The following TBCB variants were observed in gnomAD, a reference collection of about 807,000 sequenced individuals.
TBCB encodes the protein tubulin folding cofactor B.
A neutral mutation model predicts 29.2 loss-of-function variants in TBCB; 18 were observed. The ratio of observed to expected loss-of-function variants is 0.62; its 90% CI spans 0.43 to 0.91. The LOEUF (loss-of-function observed/expected upper bound fraction) is 0.91, where lower values mean the gene tolerates loss of function less well. Ranked by LOEUF, TBCB falls within the 40% of genes least tolerant of loss-of-function variation. TBCB has a pLI of 0.00. For synonymous variants in TBCB, 172 were observed against 137.8 expected (o/e 1.25, Z -1.74); for missense variants, 336 against 337.6 (o/e 1.00, Z 0.04).
At chr19:36,119,640 CCAGTA>C (rs1974011373) in intron 2 of TBCB, among the ~76,000 whole-genome samples, 1 of 152,170 alleles carries the variant, frequency 6.6e-6, no homozygotes. Context: ...GTAATCCCAC[CCAGTA>C]CATTGGGAGG....
chr19:36,120,754 G>GTCCCGGGTGGAGAAGTACACGATCT lies in TBCB; in HGVS notation c.304_328dup (p.Ser110PhefsTer65). On this transcript the variant is annotated frameshift_variant, in exon 3 of 6. Transcript: ENST00000221855. LOFTEE classifies it high-confidence loss of function. ...CCCGCCTTGGTGAGTATGAGGACGT[G>GTCCCGGGTGGAGAAGTACACGATCT]TCCCGGGTGGAGAAGTACACGATCT... is the stretch of plus-strand genomic sequence containing the variant. The GTCCCGGGTGGAGAAGTACACGATCT allele has an allele frequency of 6.2e-7, 1 of 1,614,060 alleles. No homozygotes were observed. The highest frequency in any genetic ancestry group is 8.5e-7 in the Non-Finnish European group (1 of 1,180,016).
chr19:36,122,657 A>G (rs1974075235), intron 4 of TBCB, among the ~76,000 whole-genome samples: 1 of 144,470 alleles, frequency 6.9e-6, no homozygotes, highest in Admixed American at 7.1e-5. Context: ...TGGGAGGCTG[A>G]GGTGGGAGGA....
At chr19:36,123,192 G>C (rs1190577925) in intron 4 of TBCB, among the ~76,000 whole-genome samples, 1 of 151,746 alleles carries the variant, frequency 6.6e-6, no homozygotes, top group Admixed American at 6.6e-5. Flanking sequence ...TCACCAGTTA[G>C]TGGACATTAG....
chr19:36,115,182 C>T (rs2231570), upstream of TBCB: 8,750 of 546,226 alleles, frequency 0.016, 208 homozygotes, highest in African/African-American at 0.071. Flanking sequence ...GAAGCCAAGG[C>T]GCTTGGCTTG....
chr19:36,116,192 C>G lies in TBCB; in HGVS notation c.258+8C>G. 1 of 1,613,556 alleles carries G rather than the reference C, an allele frequency of 6.2e-7. No homozygotes were observed. The highest frequency in any genetic ancestry group is 1.1e-5 in the South Asian group (1 of 91,042). On this transcript the variant is annotated splice_region_variant and intron_variant, in intron 2 of 5. Coordinates refer to ENST00000221855, the MANE Select transcript of TBCB (RefSeq NM_001281.3). ...GACGGCTGCCGCATCCACGTGAGGA[C>G]TCTCTATCTGGGACACTCCCCCACC...
intron 2 of TBCB, chr19:36,120,508 G>C (rs1295832001): frequency 1.8e-6 from 1 of 564,886 alleles, no homozygotes; most frequent in Non-Finnish European, 3.2e-6. Flanking sequence ...CTGGGAGCTT[G>C]GATGGGGGTG....
At chr19:36,115,182 C>G (rs2231570), upstream of TBCB, 10 of 546,146 alleles carry the variant, frequency 1.8e-5, no homozygotes, top group Non-Finnish European at 2.9e-5. Context: ...GAAGCCAAGG[C>G]GCTTGGCTTG....
chr19:36,115,525 T>C lies in TBCB; in HGVS notation c.-36T>C, dbSNP rs774181334. ...GGCTGCGGAGCGGGTGTGAGGCGGCTGGACCGCGCTGCAGGCATCCGCAGG... is the reference window on the plus strand; with the variant it reads ...GGCTGCGGAGCGGGTGTGAGGCGGCCGGACCGCGCTGCAGGCATCCGCAGG... On this transcript the variant is annotated 5_prime_UTR_variant, in exon 1 of 6. Coordinates refer to ENST00000221855, the MANE Select transcript of TBCB (RefSeq NM_001281.3). 18 of 1,529,542 alleles carry C rather than the reference T, an allele frequency of 1.2e-5. No homozygotes were observed. In the African/African-American group the frequency reaches 1.8e-4, roughly 15 times the overall value. 94.7% of individuals were successfully genotyped at this position (1,529,542 alleles called of 1,614,324 possible). A position where few individuals can be genotyped will look rare whatever the true frequency, so the allele number is the denominator to read the frequency against.
At position 36,125,656 on chromosome 19, in the gene TBCB, C is replaced by A; in HGVS notation, c.621-12C>A. The stretch of plus-strand genomic sequence containing the variant: ...GTCCTCTGACCACACCCACCCCTAT[C>A]CTTTCCTGCAGTGTGAATGGGAAAC... On this transcript the variant is annotated splice_polypyrimidine_tract_variant and intron_variant, in intron 5 of 5. Coordinates refer to ENST00000221855, the MANE Select transcript of TBCB (RefSeq NM_001281.3). The A allele has an allele frequency of 6.3e-7, 1 of 1,592,080 alleles. No individual in the cohort carries two copies. The highest frequency in any genetic ancestry group is 8.6e-7 in the Non-Finnish European group (1 of 1,166,864).
intron 4 of TBCB, chr19:36,122,246 G>T: frequency 5.1e-6 from 1 of 195,608 alleles, no homozygotes; most frequent in South Asian, 7.4e-5. Context: ...TCAGGGGCAT[G>T]GGCAGGGCGG....
upstream of TBCB, chr19:36,115,437 C>G (rs1973929385): frequency 2.9e-6 from 2 of 697,826 alleles, no homozygotes; most frequent in Admixed American, 5.6e-5. Context: ...CAGGAGAGCG[C>G]GGATTGGTCA....
At chr19:36,115,740 A>C in intron 1 of TBCB, 66 bp downstream of exon 1, 1 of 341,520 alleles carries the variant, frequency 2.9e-6, no homozygotes, top group Non-Finnish European at 4.4e-6. Flanking sequence ...CGGAAGGGGG[A>C]GGCTGGGAGG....
intron 4 of TBCB, among the ~76,000 whole-genome samples, chr19:36,122,585 A>C (rs1974073756): frequency 6.6e-6 from 1 of 151,228 alleles, no homozygotes; most frequent in Non-Finnish European, 1.5e-5. Flanking sequence ...AAAAAAAAAA[A>C]AAAAATCCCA....
intron 2 of TBCB, among the ~76,000 whole-genome samples, chr19:36,117,412 T>C (rs1973974317): frequency 6.6e-6 from 1 of 152,202 alleles, no homozygotes; most frequent in African/African-American, 2.4e-5. Flanking sequence ...TGGTGTGATC[T>C]CAGCTCACTG....
rs965327546 is a variant in TBCB, at chr19:36,115,974, A to C, written c.115-67A>C. On this transcript the variant is annotated intron_variant, in intron 1 of 5. Coordinates refer to ENST00000221855, the MANE Select transcript of TBCB (RefSeq NM_001281.3). ...CTTTTGGAGGAAAAGGGACGTGGCG[A>C]TGGTCATTGATGCAAGGGGCGGGGC... 14 of 1,572,820 alleles carry C rather than the reference A, an allele frequency of 8.9e-6. No individual in the cohort carries two copies. In the East Asian group the frequency reaches 2.7e-4, roughly 31 times the overall value.
At chr19:36,120,161 T>C (rs963554880) in intron 2 of TBCB, among the ~76,000 whole-genome samples, 3 of 152,144 alleles carry the variant, frequency 2.0e-5, no homozygotes, top group African/African-American at 7.2e-5. Context: ...AGGTACCTGT[T>C]CCTTTGTTTG....
Position 36,118,416 on chromosome 19 carries a change from C to T in TBCB, c.258+2232C>T, listed in dbSNP as rs186625543. ...GACGAGAAGAATAAAAAGAATTGGT[C>T]GGGCATGGTGGTTCACGCCTGTAAT... On this transcript the variant is annotated intron_variant, in intron 2 of 5. Coordinates refer to ENST00000221855, the MANE Select transcript of TBCB (RefSeq NM_001281.3). 260 of 152,236 alleles carry T rather than the reference C, an allele frequency of 1.7e-3. 2 individuals are homozygous for T. Among genetic ancestry groups the T allele is most frequent in the Non-Finnish European group, 1.8e-3 (125 of 68,092 alleles). The allele number at this position is 152,236 out of a possible 1,614,324, so 9.4% of individuals were successfully genotyped here.
chr19:36,116,098 G>A lies in TBCB; in HGVS notation c.172G>A (p.Gly58Arg). Reference sequence around the variant, plus strand: ...TTCCTGCATGGAACTGGAGCTGTATGGAGTTGACGACAAGTTCTACAGCAA... The same window carrying A: ...TTCCTGCATGGAACTGGAGCTGTATAGAGTTGACGACAAGTTCTACAGCAA... ...PASCMELELY[G>R]VDDKFYSKLD... Residue 58 changes from glycine (G) to arginine (R), a missense_variant, in exon 2 of 6, where the codon GGA becomes AGA. Gly to Arg is a moderately radical substitution (Grantham distance 125, BLOSUM62 -2). Transcript: ENST00000221855. 1 of 1,614,216 alleles carries A rather than the reference G, an allele frequency of 6.2e-7. No homozygotes were observed. Among genetic ancestry groups the A allele is most frequent in the Non-Finnish European group, 8.5e-7 (1 of 1,180,044 alleles).
intron 2 of TBCB, among the ~76,000 whole-genome samples, chr19:36,120,198 G>T (rs1398289092): frequency 6.6e-6 from 1 of 152,138 alleles, no homozygotes; most frequent in Non-Finnish European, 1.5e-5. Context: ...TGCACAATGA[G>T]CACAGCCTGA....
Sources: gnomAD v4.1 joint callset for allele counts (sites outside exome capture counted in the v4.1 genomes callset) on GRCh38, gnomAD v4.1.1 for gene constraint, MANE v1.5 for transcripts, NCBI Gene and HGNC (gene_info 2026-07-23, HGNC 2026-07-21) for gene names.